The following DOCK1 variants were observed in gnomAD, a reference collection of about 807,000 sequenced individuals.
DOCK1 encodes the protein dedicator of cytokinesis protein 1.
A neutral mutation model predicts 262.7 loss-of-function variants in DOCK1; 138 were observed. The observed-to-expected ratio is 0.53, with a 90% CI of 0.46 to 0.61. The LOEUF (loss-of-function observed/expected upper bound fraction) is 0.61, where lower values mean the gene tolerates loss of function less well. Among genes scored for constraint, DOCK1 ranks in the 20% least tolerant of loss-of-function variants. The probability of loss-of-function intolerance (pLI) is 0.00; values close to 1 mark genes in which losing one functional copy is unlikely to be tolerated. For synonymous variants in DOCK1, 866 were observed against 867.4 expected (o/e 1.00, Z 0.03); for missense variants, 1,908 against 2,370.7 (o/e 0.80, Z 4.05).
intron 29 of DOCK1, among the ~76,000 whole-genome samples, chr10:127,281,540 G>A (rs371419937): frequency 4.6e-4 from 70 of 152,322 alleles, no homozygotes; most frequent in African/African-American, 1.5e-3. Context: ...GTCCCTGGGA[G>A]TGGGTCACAA....
At chr10:127,354,554 C>A in intron 31 of DOCK1, 115 bp from the exon 32 acceptor site, 1 of 1,167,852 alleles carries the variant, frequency 8.6e-7, no homozygotes, top group Non-Finnish European at 1.2e-6. Flanking sequence ...AGCTTTGACA[C>A]TCTCTTTATT....
At position 127,021,248 on chromosome 10, in the gene DOCK1, G is replaced by A. The variant is rs1181541750; in HGVS notation, c.1328-1952G>A. On this transcript the variant is annotated intron_variant, in intron 13 of 51. Transcript: ENST00000623213. ...TAGCACGATCTCAGCTCACCGCAAC[G>A]TCTGCCTCCCAGTTTCAAGCAGTTC... 2.6e-5 allele frequency among the ~76,000 whole-genome samples: 4 copies of A among 152,256 alleles called. No individual in the cohort carries two copies. The South Asian group carries it at 6.2e-4, about 24-fold the overall frequency.
chr10:127,067,794 A>G (rs1442504752), intron 23 of DOCK1, among the ~76,000 whole-genome samples: 1 of 152,084 alleles, frequency 6.6e-6, no homozygotes, highest in East Asian at 1.9e-4. Context: ...TGCTTAGTTT[A>G]TTATGAAAAT....
chr10:126,960,809 CAT>C (rs1379113246), intron 1 of DOCK1, among the ~76,000 whole-genome samples: 4 of 129,238 alleles, frequency 3.1e-5, no homozygotes, highest in Admixed American at 8.2e-5. Flanking sequence ...CACACACACA[CAT>C]AGATATATAC....
chr10:126,946,753 T>G (rs2035443150), intron 1 of DOCK1, among the ~76,000 whole-genome samples: 1 of 152,218 alleles, frequency 6.6e-6, no homozygotes, highest in Admixed American at 6.5e-5. Flanking sequence ...AACACTTCCT[T>G]GCTCTGAAGA....
chr10:127,245,451 C>G (rs2059400517), intron 27 of DOCK1, among the ~76,000 whole-genome samples: 1 of 152,222 alleles, frequency 6.6e-6, no homozygotes, highest in Non-Finnish European at 1.5e-5. Context: ...AATTAATCCC[C>G]ATCGCAGTTA....
chr10:127,207,943 C>G (rs114838317), intron 27 of DOCK1, among the ~76,000 whole-genome samples: 1 of 152,164 alleles, frequency 6.6e-6, no homozygotes. Context: ...TGAATTGATG[C>G]GTTTGATTGA....
chr10:127,402,425 A>AGTG (rs2067274847), intron 38 of DOCK1, among the ~76,000 whole-genome samples: 1 of 152,194 alleles, frequency 6.6e-6, no homozygotes, highest in East Asian at 1.9e-4. Context: ...ATGTGTCAAA[A>AGTG]GCTTATCAAC....
intron 43 of DOCK1, among the ~76,000 whole-genome samples, chr10:127,414,798 T>C (rs911286976): frequency 6.6e-6 from 1 of 152,250 alleles, no homozygotes; most frequent in African/African-American, 2.4e-5. Context: ...GTAAGACTTC[T>C]TTGGAGCCTT....
intron 29 of DOCK1, among the ~76,000 whole-genome samples, chr10:127,268,448 C>G (rs1031345626): frequency 8.1e-6 from 1 of 123,868 alleles, no homozygotes; most frequent in Non-Finnish European, 1.6e-5. Context: ...TGCAGTGAGC[C>G]GAGATCGTGC....
chr10:127,187,976 C>T (rs1054369054), intron 27 of DOCK1, among the ~76,000 whole-genome samples: 6 of 152,158 alleles, frequency 3.9e-5, no homozygotes, highest in African/African-American at 1.4e-4. Context: ...TCTTCTATTT[C>T]CTGCTGTATC....
At chr10:127,122,458 G>T (rs1183510867) in intron 25 of DOCK1, among the ~76,000 whole-genome samples, 3 of 152,022 alleles carry the variant, frequency 2.0e-5, no homozygotes, top group African/African-American at 7.3e-5. Flanking sequence ...TCTCACTGAG[G>T]CATGTTGGAT....
Position 126,990,661 on chromosome 10 carries a change from A to G in DOCK1, c.473+58A>G, listed in dbSNP as rs151306906. 8,318 of 1,570,360 alleles carry G rather than the reference A, an allele frequency of 5.3e-3. 43 individuals are homozygous for G. The highest frequency in any genetic ancestry group is 0.013 in the South Asian group (1,117 of 83,996). ...AATTATCCAATGTAATAACATCACT[A>G]TAAGTCTTCAGGAGACCAAGATCAT... On this transcript the variant is annotated intron_variant, in intron 6 of 51. Transcript: ENST00000623213.
chr10:127,070,583 C>A (rs1158967770), intron 23 of DOCK1, among the ~76,000 whole-genome samples: 1 of 151,860 alleles, frequency 6.6e-6, no homozygotes, highest in Admixed American at 6.6e-5. Context: ...CACAGTTTCA[C>A]CCACGGTAGA....
In DOCK1 at chr10:127,271,872, A is replaced by G. The variant is rs142565948; in HGVS notation, c.3044+14443A>G. ...TTATATTTGAGTCCACAAAGAAACA[A>G]TTGCAGCTATAAATATGCAGTGAAC... On this transcript the variant is annotated intron_variant, in intron 29 of 51. Coordinates refer to ENST00000623213, the MANE Select transcript of DOCK1 (RefSeq NM_001290223.2). 5 of 152,338 alleles carry G rather than the reference A, an allele frequency of 3.3e-5. No individual in the cohort carries two copies. In the East Asian group the frequency reaches 7.7e-4, roughly 24 times the overall value. The allele number at this position is 152,338 out of a possible 1,614,324, so 9.4% of individuals were successfully genotyped here. A position where few individuals can be genotyped will look rare whatever the true frequency, so the allele number is the denominator to read the frequency against.
intron 29 of DOCK1, among the ~76,000 whole-genome samples, chr10:127,302,000 GC>G (rs1380977315): frequency 1.3e-5 from 2 of 151,572 alleles, no homozygotes; most frequent in African/African-American, 4.8e-5. Flanking sequence ...CTGCCTGCCT[GC>G]TTTGTGTGTG....
chr10:126,931,707 A>G (rs1234421305), intron 1 of DOCK1, among the ~76,000 whole-genome samples: 4 of 152,166 alleles, frequency 2.6e-5, no homozygotes, highest in Non-Finnish European at 5.9e-5. Context: ...GGTACAGCAC[A>G]GAGTTTATGC....
At chr10:127,040,998 A>G (rs2135618546) in intron 19 of DOCK1, among the ~76,000 whole-genome samples, 1 of 152,220 alleles carries the variant, frequency 6.6e-6, no homozygotes, top group Admixed American at 6.5e-5. Flanking sequence ...TGTAAATTGA[A>G]TCATACGCCC....
intron 27 of DOCK1, among the ~76,000 whole-genome samples, chr10:127,164,159 CTTTTTTTTTTTTTTTTTTTTTTTTT>C (rs528947051): frequency 1.9e-4 from 12 of 63,578 alleles, no homozygotes; most frequent in Admixed American, 9.3e-4. Flanking sequence ...CATTTGCCTC[CTTTTTTTTTTTTTTTTTTTTTTTTT>C]TTTTTTTTTT....
Sources: gnomAD v4.1 joint callset for allele counts (sites outside exome capture counted in the v4.1 genomes callset) on GRCh38, gnomAD v4.1.1 for gene constraint, MANE v1.5 for transcripts, NCBI Gene and HGNC (gene_info 2026-07-23, HGNC 2026-07-21) for gene names.